Variants in NCAPG2 observed in about 807,000 individuals in gnomAD.
NCAPG2 encodes condensin-2 complex subunit G2.
Under a neutral mutation model 141.1 loss-of-function variants are expected in NCAPG2, and 53 were observed. The ratio of observed to expected loss-of-function variants is 0.38; its 90% CI spans 0.30 to 0.47. The LOEUF (loss-of-function observed/expected upper bound fraction) is 0.47, where lower values mean the gene tolerates loss of function less well. Ranked by LOEUF, NCAPG2 falls within the 20% of genes least tolerant of loss-of-function variation. The probability of loss-of-function intolerance (pLI) is 0.99; values close to 1 mark genes in which losing one functional copy is unlikely to be tolerated. For missense variants in NCAPG2, 1,087 were observed against 1,389.0 expected (o/e 0.78, Z 3.46); for synonymous variants, 499 against 490.7 (o/e 1.02, Z -0.22).
chr7:158,671,546 G>A lies in NCAPG2; in HGVS notation c.1447C>T (p.Leu483=). The part of the protein sequence containing the change: ...EKVRVAFVDM[L]LKIKAVRAAK... Reference sequence around the variant, plus strand: ...GCCCTCACAGCTTTGATCTTCAACAGCATGTCCACAAAAGCTACCCTCACT... The same window carrying A: ...GCCCTCACAGCTTTGATCTTCAACAACATGTCCACAAAAGCTACCCTCACT... The change falls in exon 13 of 28, where the codon CTG becomes TTG. Residue 483 remains leucine (L), a synonymous_variant. Coordinates refer to ENST00000356309, the MANE Select transcript of NCAPG2 (RefSeq NM_017760.7). 6.2e-7 allele frequency: 1 copy of A among 1,614,182 alleles called. No individual in the cohort carries two copies. Among genetic ancestry groups the A allele is most frequent in the Non-Finnish European group, 8.5e-7 (1 of 1,180,032 alleles).
intron 16 of NCAPG2, among the ~76,000 whole-genome samples, chr7:158,661,710 T>C (rs1832520444): frequency 6.6e-6 from 1 of 152,138 alleles, no homozygotes; most frequent in Non-Finnish European, 1.5e-5. Flanking sequence ...TATACAACTT[T>C]TGTCAATTCA....
chr7:158,653,522 C>T lies in NCAPG2; in HGVS notation c.2747-1042G>A, dbSNP rs76269038. On this transcript the variant is annotated intron_variant, in intron 22 of 27. Coordinates refer to ENST00000356309, the MANE Select transcript of NCAPG2 (RefSeq NM_017760.7). ...AATTAAAGATTAACTAAGACACTGC[C>T]CAGTATCCTGGCTCCAGTGTTCTCC... Among the ~76,000 whole-genome samples, 757 of 152,028 alleles carry T rather than the reference C, an allele frequency of 5.0e-3. 45 individuals are homozygous for T. The East Asian group carries it at 0.12, about 24-fold the overall frequency.
intron 2 of NCAPG2, among the ~76,000 whole-genome samples, chr7:158,694,313 C>G (rs1835308411): frequency 6.6e-6 from 1 of 152,156 alleles, no homozygotes; most frequent in African/African-American, 2.4e-5. Context: ...AACATAGATG[C>G]AATACAGGGT....
chr7:158,656,298 T>G lies in NCAPG2; in HGVS notation c.2350A>C (p.Lys784Gln). ...AGGGCTTTCAAAAGATGGTTAAGTT[T>G]CTTCCGAGGAGCAGAGAGCAAGCAC... ...RECLLSAPRK[K>Q]LNHLLKALET... The change falls in exon 19 of 28, where the codon AAA becomes CAA. Residue 784 changes from lysine to glutamine, a missense_variant. By Grantham distance (53) the Lys-to-Gln change is moderately conservative. Transcript: ENST00000356309. The G allele has an allele frequency of 6.2e-7, 1 of 1,614,210 alleles. No individual in the cohort carries two copies. Among genetic ancestry groups the G allele is most frequent in the Non-Finnish European group, 8.5e-7 (1 of 1,180,032 alleles).
At chr7:158,669,767 TCAAAAAAAAA>T (rs1369830069) in intron 13 of NCAPG2, among the ~76,000 whole-genome samples, 1 of 20,482 alleles carries the variant, frequency 4.9e-5, no homozygotes, top group Non-Finnish European at 7.3e-5. Context: ...AGACTCTGTC[TCAAAAAAAAA>T]AAAAAAAAAA....
chr7:158,698,167 T>A (rs550907607), intron 2 of NCAPG2, among the ~76,000 whole-genome samples: 19 of 152,278 alleles, frequency 1.2e-4, no homozygotes, highest in African/African-American at 3.9e-4. Flanking sequence ...AAGTTTGTGT[T>A]TTAAGCTAAG....
chr7:158,677,544 A>C (rs967504560), intron 11 of NCAPG2, among the ~76,000 whole-genome samples: 2 of 134,756 alleles, frequency 1.5e-5, no homozygotes, highest in African/African-American at 5.5e-5. Flanking sequence ...AAAAAAAAAA[A>C]AAAACAGAAA....
chr7:158,647,014 C>T (rs73165308), intron 24 of NCAPG2, among the ~76,000 whole-genome samples: 19 of 149,556 alleles, frequency 1.3e-4, no homozygotes, highest in Non-Finnish European at 2.8e-4. Context: ...GACAGAGCGA[C>T]ATCCTGTCTC....
At chr7:158,655,822 C>T (rs1305422947) in intron 19 of NCAPG2, among the ~76,000 whole-genome samples, 1 of 14,954 alleles carries the variant, frequency 6.7e-5, no homozygotes, top group African/African-American at 2.4e-4. Flanking sequence ...AGAGGGCTGG[C>T]TCCTGGAGGA....
rs539567208 is a variant in NCAPG2 at position 158,643,618 on chromosome 7, T to C, written c.3380+671A>G. ...TTGGAAAACCTTTCTCCAGAGGAAG[T>C]AGCTATGGAGAGTGGTTTGTTTCCC... On this transcript the variant is annotated intron_variant, in intron 27 of 27. Coordinates refer to ENST00000356309, the MANE Select transcript of NCAPG2 (RefSeq NM_017760.7). Among the ~76,000 whole-genome samples the C allele has an allele frequency of 4.6e-5, 7 of 152,372 alleles. No individual in the cohort carries two copies. The South Asian group carries it at 1.5e-3, about 32-fold the overall frequency.
At chr7:158,638,579 G>C (rs766022136) in intron 27 of NCAPG2, among the ~76,000 whole-genome samples, 3 of 152,020 alleles carry the variant, frequency 2.0e-5, no homozygotes, top group East Asian at 3.9e-4. Context: ...GGAGTAAAGA[G>C]AGACCCTTTA....
At chr7:158,698,612 A>G (rs1012407525) in intron 2 of NCAPG2, among the ~76,000 whole-genome samples, 1 of 152,264 alleles carries the variant, frequency 6.6e-6, no homozygotes, top group East Asian at 1.9e-4. Flanking sequence ...ATGTAAGCAC[A>G]CTTTAGGATG....
At chr7:158,637,017 G>T (rs1402337874) in intron 27 of NCAPG2, among the ~76,000 whole-genome samples, 5 of 151,450 alleles carry the variant, frequency 3.3e-5, no homozygotes, top group East Asian at 2.0e-4. Flanking sequence ...GTGTGATCTT[G>T]GCTCACTGCA....
chr7:158,658,254 G>T (rs1587137588), intron 17 of NCAPG2, 84 bp downstream of exon 17: 2 of 1,291,892 alleles, frequency 1.5e-6, no homozygotes, highest in South Asian at 1.6e-5. Context: ...TAAATGTTAT[G>T]GTCTGCTGAC....
At chr7:158,646,780 C>A (rs889894094) in intron 24 of NCAPG2, among the ~76,000 whole-genome samples, 1 of 152,146 alleles carries the variant, frequency 6.6e-6, no homozygotes, top group African/African-American at 2.4e-5. Flanking sequence ...GTAATCCCAG[C>A]GCTCTGGGAG....
At chr7:158,696,972 G>A (rs1835488547) in intron 2 of NCAPG2, among the ~76,000 whole-genome samples, 1 of 152,224 alleles carries the variant, frequency 6.6e-6, no homozygotes, top group African/African-American at 2.4e-5. Context: ...GTGATGTCAT[G>A]GCTGTCAAAA....
chr7:158,654,794 T>G, intron 21 of NCAPG2, 100 bp from the exon 22 acceptor site: 1 of 1,464,690 alleles, frequency 6.8e-7, no homozygotes, highest in Non-Finnish European at 9.0e-7. Context: ...AGTTATCTTA[T>G]AAAGCAGATT....
chr7:158,703,004 C>A (rs1189432592), intron 1 of NCAPG2, among the ~76,000 whole-genome samples: 1 of 152,150 alleles, frequency 6.6e-6, no homozygotes, highest in Non-Finnish European at 1.5e-5. Flanking sequence ...ATATGTTTAG[C>A]GATGCAAATA....
chr7:158,693,220 T>C, intron 3 of NCAPG2, 89 bp downstream of exon 3: 1 of 1,368,744 alleles, frequency 7.3e-7, no homozygotes, highest in Non-Finnish European at 1.0e-6. Context: ...AAAATCTGTC[T>C]TAATGTAAAA....
Sources: allele counts gnomAD v4.1 joint callset (sites outside exome capture counted in the v4.1 genomes callset), GRCh38; gene constraint gnomAD v4.1.1; transcripts MANE v1.5; gene names NCBI Gene and HGNC (gene_info 2026-07-23, HGNC 2026-07-21).